LRP1B: variants seen among roughly 807,000 people sequenced by gnomAD.
LRP1B encodes the protein low-density lipoprotein receptor-related protein 1B.
LRP1B carries 217 observed loss-of-function variants against 556.6 expected under a neutral mutation model. The observed-to-expected ratio is 0.39, with a 90% CI of 0.35 to 0.44. The LOEUF is 0.44. Ranked by LOEUF, LRP1B falls within the 20% of genes least tolerant of loss-of-function variation. The pLI, the probability that LRP1B is intolerant of heterozygous loss-of-function variation, is 1.00. For synonymous variants in LRP1B, 2,047 were observed against 1,865.8 expected, an observed-to-expected ratio of 1.10 and a Z score of -2.50; for missense variants, 5,053 against 5,620.8, an observed-to-expected ratio of 0.90 and a Z score of 3.23.
chr2:141,244,624 T>A (rs1684002187), intron 5 of LRP1B, among the ~76,000 whole-genome samples: 1 of 152,166 alleles, frequency 6.6e-6, no homozygotes, highest in African/African-American at 2.4e-5. Context: ...TAAACCTGAT[T>A]GCACTAACTG....
intron 1 of LRP1B, among the ~76,000 whole-genome samples, chr2:141,944,426 G>C (rs1480324817): frequency 1.3e-5 from 2 of 152,096 alleles, no homozygotes; most frequent in African/African-American, 4.8e-5. Context: ...TTAATAAAGT[G>C]GATACCTATT....
At chr2:140,465,945 C>T (rs1439213861) in intron 60 of LRP1B, among the ~76,000 whole-genome samples, 1 of 151,982 alleles carries the variant, frequency 6.6e-6, no homozygotes, top group Non-Finnish European at 1.5e-5. Context: ...CACATCAACA[C>T]CATTGGTATA....
intron 2 of LRP1B, among the ~76,000 whole-genome samples, chr2:141,617,726 TA>T: frequency 6.6e-6 from 1 of 152,196 alleles, no homozygotes; most frequent in East Asian, 1.9e-4. Context: ...TTTAGGCTTT[TA>T]AAAAATGTAA....
chr2:141,036,932 G>A (rs369230439), intron 11 of LRP1B, among the ~76,000 whole-genome samples: 4 of 152,104 alleles, frequency 2.6e-5, no homozygotes, highest in African/African-American at 9.6e-5. Context: ...CTAGATATAA[G>A]GCAGAGTTTC....
In LRP1B at chr2:141,081,529, T is replaced by C. The variant is rs1320947116; in HGVS notation, c.1014-19256A>G. Among the ~76,000 whole-genome samples the C allele has an allele frequency of 5.3e-5, 8 of 152,262 alleles. No homozygotes were observed. In the East Asian group the frequency reaches 1.4e-3, roughly 26 times the overall value. ...TCTAAGTAACAGTTGGGGGTGATGA[T>C]AGGCAATAAAGGTAATTTTATATAT... On this transcript the variant is annotated intron_variant, in intron 7 of 90. Coordinates refer to ENST00000389484, the MANE Select transcript of LRP1B (RefSeq NM_018557.3).
chr2:142,047,815 A>G (rs1327141141), intron 1 of LRP1B, among the ~76,000 whole-genome samples: 1 of 151,998 alleles, frequency 6.6e-6, no homozygotes, highest in Admixed American at 6.6e-5. Flanking sequence ...GACAATGCCA[A>G]GGTCATAGGG....
intron 29 of LRP1B, among the ~76,000 whole-genome samples, chr2:140,841,904 G>C (rs1313000585): frequency 7.4e-6 from 1 of 134,652 alleles, no homozygotes; most frequent in South Asian, 2.7e-4. Flanking sequence ...GGCCAGTTTA[G>C]TGCCCAATTT....
At position 141,783,044 on chromosome 2, in the gene LRP1B, A is replaced by G. The variant is rs146112957; in HGVS notation, c.205+27235T>C. ...GAGATGTAGCTTAGTTCATGTCTTCATCCATTCATTCATTCACTTAGATAT... is the reference window on the plus strand; with the variant it reads ...GAGATGTAGCTTAGTTCATGTCTTCGTCCATTCATTCATTCACTTAGATAT... On this transcript the variant is annotated intron_variant, in intron 2 of 90. Coordinates refer to ENST00000389484, the MANE Select transcript of LRP1B (RefSeq NM_018557.3). Among the ~76,000 whole-genome samples, 485 of 152,220 alleles carry G rather than the reference A, an allele frequency of 3.2e-3. 3 individuals are homozygous for G. Among genetic ancestry groups the G allele is most frequent in the African/African-American group, 0.011 (460 of 41,560 alleles).
intron 11 of LRP1B, among the ~76,000 whole-genome samples, chr2:141,038,832 T>G (rs79788072): frequency 0.013 from 1,948 of 152,250 alleles, 21 homozygotes; most frequent in Middle Eastern, 0.027. Context: ...ATGCTAAGTA[T>G]GATAAAGTAA....
At chr2:142,027,533 G>T (rs2105188805) in intron 1 of LRP1B, among the ~76,000 whole-genome samples, 1 of 151,808 alleles carries the variant, frequency 6.6e-6, no homozygotes, top group African/African-American at 2.4e-5. Context: ...TGTCAAACAG[G>T]CTAACATTAG....
At chr2:141,254,837 A>T (rs184623410) in intron 3 of LRP1B, among the ~76,000 whole-genome samples, 196 bp from the exon 4 acceptor site, 1 of 152,064 alleles carries the variant, frequency 6.6e-6, no homozygotes. Flanking sequence ...ATTCGAGATC[A>T]ATCTGTTTGG....
chr2:141,625,496 G>T (rs2105342180), intron 2 of LRP1B, among the ~76,000 whole-genome samples: 1 of 152,018 alleles, frequency 6.6e-6, no homozygotes, highest in South Asian at 2.1e-4. Context: ...ATCTTCCTTT[G>T]GTGCTTCTAT....
chr2:140,749,324 A>G (rs1688490101), intron 35 of LRP1B, among the ~76,000 whole-genome samples: 1 of 151,966 alleles, frequency 6.6e-6, no homozygotes, highest in Non-Finnish European at 1.5e-5. Context: ...TTTCTTCAAT[A>G]ACAAATTAAC....
intron 3 of LRP1B, among the ~76,000 whole-genome samples, chr2:141,394,304 TTTAGTC>T (rs751060976): frequency 1.3e-5 from 2 of 152,094 alleles, no homozygotes; most frequent in African/African-American, 2.4e-5. Context: ...ATAAGACCAT[TTTAGTC>T]TTAAGAGATT....
chr2:140,320,857 A>G (rs1680078301), intron 82 of LRP1B, among the ~76,000 whole-genome samples: 1 of 152,012 alleles, frequency 6.6e-6, no homozygotes, highest in African/African-American at 2.4e-5. Flanking sequence ...AGGCTGGCCA[A>G]CATGGCAATA....
intron 7 of LRP1B, among the ~76,000 whole-genome samples, chr2:141,142,921 C>CTTTTTTTTTTT (rs35543111): frequency 2.0e-5 from 2 of 101,434 alleles, no homozygotes; most frequent in African/African-American, 7.9e-5. Flanking sequence ...TGTCTGATTA[C>CTTTTTTTTTTT]TTTTTTTTTT....
At chr2:140,816,614 T>A (rs994591335) in intron 31 of LRP1B, among the ~76,000 whole-genome samples, 1 of 152,194 alleles carries the variant, frequency 6.6e-6, no homozygotes, top group African/African-American at 2.4e-5. Context: ...TATATATGTA[T>A]GCATATGATG....
At chr2:141,565,978 T>C (rs1340097051) in intron 2 of LRP1B, among the ~76,000 whole-genome samples, 1 of 152,106 alleles carries the variant, frequency 6.6e-6, no homozygotes, top group Non-Finnish European at 1.5e-5. Context: ...GCTGCTTTTC[T>C]TATTTTATAA....
intron 3 of LRP1B, among the ~76,000 whole-genome samples, chr2:141,332,574 C>T (rs1687692866): frequency 6.6e-6 from 1 of 151,778 alleles, no homozygotes; most frequent in Non-Finnish European, 1.5e-5. Context: ...TGAAAATGAT[C>T]AGGAGAATGT....
Sources: allele counts gnomAD v4.1 joint callset (sites outside exome capture counted in the v4.1 genomes callset), GRCh38; gene constraint gnomAD v4.1.1; transcripts MANE v1.5; gene names NCBI Gene and HGNC (gene_info 2026-07-23, HGNC 2026-07-21).